FXN: variants seen among roughly 807,000 people sequenced by gnomAD.
FXN encodes the protein frataxin.
Under a neutral mutation model 22.4 loss-of-function variants are expected in FXN, and 14 were observed. That is an observed-to-expected ratio of 0.62 (90% CI 0.41 to 0.98). The LOEUF (loss-of-function observed/expected upper bound fraction) is 0.98. Among genes scored for constraint, FXN ranks in the 50% least tolerant of loss-of-function variants. The probability of loss-of-function intolerance (pLI) is 0.00; values close to 1 mark genes in which losing one functional copy is unlikely to be tolerated. For missense variants in FXN, 267 were observed against 268.4 expected (o/e 0.99, Z 0.04); for synonymous variants, 120 against 114.1 (o/e 1.05, Z -0.33).
At chr9:69,062,090 C>G (rs1016011879) in intron 3 of FXN, among the ~76,000 whole-genome samples, 11 of 152,088 alleles carry the variant, frequency 7.2e-5, no homozygotes, top group Admixed American at 2.6e-4. Flanking sequence ...CTAAAAACTC[C>G]TGAATTATAC....
chr9:69,058,677 A>G (rs1001041635), intron 3 of FXN, among the ~76,000 whole-genome samples: 11 of 152,174 alleles, frequency 7.2e-5, no homozygotes, highest in Admixed American at 2.0e-4. Context: ...GAAGGCTGCA[A>G]CCAGAATAGG....
rs1832343098 is a variant in FXN, at chr9:69,075,169, G to A, written c.*2407G>A. ...AGTGGGAGATCCCCATTTAAGGAAA[G>A]AAAAGGGGCCTGGCACAGTGGCTCA... On this transcript the variant is annotated 3_prime_UTR_variant, in exon 5 of 5. Transcript: ENST00000484259. The A allele has an allele frequency of 1.0e-6, 1 of 985,364 alleles. No homozygotes were observed. The highest frequency in any genetic ancestry group is 1.2e-6 in the Non-Finnish European group (1 of 829,980). 61.0% of individuals were successfully genotyped at this position (985,364 alleles called of 1,614,324 possible). A position where few individuals can be genotyped will look rare whatever the true frequency, so the allele number is the denominator to read the frequency against.
At position 69,074,965 on chromosome 9, in the gene FXN, A is replaced by T; in HGVS notation, c.*2203A>T. The stretch of plus-strand genomic sequence containing the variant: ...CACTTACTTAGAACTCGGTGACATG[A>T]TGTACTCCTTTATCTGGGACACAGC... On this transcript the variant is annotated 3_prime_UTR_variant, in exon 5 of 5. Coordinates refer to ENST00000484259, the MANE Select transcript of FXN (RefSeq NM_000144.5). The T allele has an allele frequency of 3.0e-6, 3 of 985,408 alleles. No homozygotes were observed. Among genetic ancestry groups the T allele is most frequent in the Non-Finnish European group, 3.6e-6 (3 of 829,926 alleles). The allele number at this position is 985,408 out of a possible 1,614,324, so 61.0% of individuals were successfully genotyped here. A position where few individuals can be genotyped will look rare whatever the true frequency, so the allele number is the denominator to read the frequency against.
Position 69,077,464 on chromosome 9 carries a change from A to G in FXN, c.*4702A>G. On this transcript the variant is annotated 3_prime_UTR_variant, in exon 5 of 5. Transcript: ENST00000484259. ...AGATTTATTTAGACAGTTGAGGAAAACATCAGCACCCAGCAGTAAAATTGG... is the reference window on the plus strand; with the variant it reads ...AGATTTATTTAGACAGTTGAGGAAAGCATCAGCACCCAGCAGTAAAATTGG... 1 of 985,442 alleles carries G rather than the reference A, an allele frequency of 1.0e-6. No homozygotes were observed. Among genetic ancestry groups the G allele is most frequent in the Non-Finnish European group, 1.2e-6 (1 of 829,936 alleles). The allele number at this position is 985,442 out of a possible 1,614,324, so 61.0% of individuals were successfully genotyped here.
At chr9:69,064,602 A>G (rs1832136777) in intron 3 of FXN, among the ~76,000 whole-genome samples, 1 of 152,148 alleles carries the variant, frequency 6.6e-6, no homozygotes, top group Non-Finnish European at 1.5e-5. Context: ...GGTTGAGGGC[A>G]ACAAACCAGC....
At chr9:69,037,284 A>AAAAAAAAAAAAAAAAAAAGAAG (rs544093183) in intron 1 of FXN, among the ~76,000 whole-genome samples, 1 of 78,058 alleles carries the variant, frequency 1.3e-5, no homozygotes, top group African/African-American at 4.7e-5. Flanking sequence ...AAAAAAAAAA[A>AAAAAAAAAAAAAAAAAAAGAAG]AAGAAGAAGA....
intron 3 of FXN, among the ~76,000 whole-genome samples, chr9:69,062,807 C>T (rs1279773921): frequency 6.6e-6 from 1 of 151,568 alleles, no homozygotes; most frequent in African/African-American, 2.4e-5. Flanking sequence ...TGCTGCCCAG[C>T]AGTGTGAATA....
chr9:69,076,938 A>G lies in FXN; in HGVS notation c.*4176A>G. ...AGAAATGCCTTTTCTTTTTTGAGAC[A>G]GAGTCTTGCTCTGTCACCCAGGCTG... is the stretch of plus-strand genomic sequence containing the variant. On this transcript the variant is annotated 3_prime_UTR_variant, in exon 5 of 5. Coordinates refer to ENST00000484259, the MANE Select transcript of FXN (RefSeq NM_000144.5). 1.0e-6 allele frequency: 1 copy of G among 982,760 alleles called. No homozygotes were observed. Among genetic ancestry groups the G allele is most frequent in the Non-Finnish European group, 1.2e-6 (1 of 827,556 alleles). 60.9% of individuals were successfully genotyped at this position (982,760 alleles called of 1,614,324 possible).
chr9:69,068,079 G>A (rs1448088801), intron 4 of FXN, among the ~76,000 whole-genome samples: 3 of 152,150 alleles, frequency 2.0e-5, no homozygotes, highest in African/African-American at 4.8e-5. Context: ...AGGTGGGACC[G>A]GGCTTCCCTG....
intron 4 of FXN, among the ~76,000 whole-genome samples, chr9:69,067,298 C>A (rs573479031): frequency 2.6e-4 from 40 of 152,380 alleles, no homozygotes; most frequent in African/African-American, 9.4e-4. Flanking sequence ...CTGCGCCTGT[C>A]TTCTTGGAAG....
chr9:69,075,322 TG>T lies in FXN; in HGVS notation c.*2562del, dbSNP rs1462665915. On this transcript the variant is annotated 3_prime_UTR_variant, in exon 5 of 5. Transcript: ENST00000484259. The stretch of plus-strand genomic sequence containing the variant: ...AAAATATTAAAAAATTGGCTGGGCG[TG>T]GTGGTTCGTGCCTATAATTTCAGCT... 1.0e-5 allele frequency: 6 copies of T among 589,818 alleles called. No individual in the cohort carries two copies. Among genetic ancestry groups the T allele is most frequent in the Non-Finnish European group, 1.3e-5 (6 of 469,118 alleles). The allele number at this position is 589,818 out of a possible 1,614,324, so 36.5% of individuals were successfully genotyped here.
intron 4 of FXN, among the ~76,000 whole-genome samples, chr9:69,067,778 T>C: frequency 6.6e-6 from 1 of 152,184 alleles, no homozygotes; most frequent in East Asian, 1.9e-4. Flanking sequence ...AAATGCTCCA[T>C]TCACCACTCC....
chr9:69,060,851 T>C (rs1832058726), intron 3 of FXN, among the ~76,000 whole-genome samples: 1 of 152,230 alleles, frequency 6.6e-6, no homozygotes, highest in Non-Finnish European at 1.5e-5. Flanking sequence ...ATGGAGGTGC[T>C]AGACCTGCAG....
chr9:69,066,454 CTG>C lies in FXN; in HGVS notation c.482+1421_482+1422del, dbSNP rs1832167265. ...TCAACAAAAACAGCACTAGAAATCACTGTCATTCTAGGAAGGCCCTAATTCAC... is the reference window on the plus strand; with the variant it reads ...TCAACAAAAACAGCACTAGAAATCACTCATTCTAGGAAGGCCCTAATTCAC... On this transcript the variant is annotated intron_variant, in intron 4 of 4. Transcript: ENST00000484259. Among the ~76,000 whole-genome samples, 3 of 152,162 alleles carry C rather than the reference CTG, an allele frequency of 2.0e-5. No homozygotes were observed. In the South Asian group the frequency reaches 6.2e-4, roughly 32 times the overall value.
At chr9:69,069,311 A>G (rs937922585) in intron 4 of FXN, among the ~76,000 whole-genome samples, 3 of 152,122 alleles carry the variant, frequency 2.0e-5, no homozygotes, top group African/African-American at 7.2e-5. Context: ...GTTGTAACGA[A>G]CTGAAATCGT....
At position 69,078,268 on chromosome 9, in the gene FXN, C is replaced by T. The variant is rs377312254; in HGVS notation, c.*5506C>T. On this transcript the variant is annotated 3_prime_UTR_variant, in exon 5 of 5. Coordinates refer to ENST00000484259, the MANE Select transcript of FXN (RefSeq NM_000144.5). ...TGGTGCCACTGACAGTTATGCAAAC[C>T]GTCCAGAGCATAGCCACCTGATCCT... is the stretch of plus-strand genomic sequence containing the variant. 1.8e-5 allele frequency: 18 copies of T among 985,258 alleles called. No homozygotes were observed. The highest frequency in any genetic ancestry group is 3.5e-5 in the African/African-American group (2 of 57,210). 61.0% of individuals were successfully genotyped at this position (985,258 alleles called of 1,614,324 possible). A position where few individuals can be genotyped will look rare whatever the true frequency, so the allele number is the denominator to read the frequency against.
chr9:69,075,459 CAAATAAATAAAT>C lies in FXN; in HGVS notation c.*2709_*2720del, dbSNP rs56827613. ...TGGCCAACAGAGCCATACTCCGTCT[CAAATAAATAAAT>C]AAATAAATAAAGGGACTTCAAACAC... On this transcript the variant is annotated 3_prime_UTR_variant, in exon 5 of 5. Transcript: ENST00000484259. 1.1e-6 allele frequency: 1 copy of C among 915,796 alleles called. No individual in the cohort carries two copies. Among genetic ancestry groups the C allele is most frequent in the Non-Finnish European group, 1.3e-6 (1 of 769,026 alleles). 56.7% of individuals were successfully genotyped at this position (915,796 alleles called of 1,614,324 possible).
chr9:69,044,369 G>A (rs1480677384), intron 1 of FXN, among the ~76,000 whole-genome samples: 2 of 152,206 alleles, frequency 1.3e-5, no homozygotes, highest in Non-Finnish European at 2.9e-5. Flanking sequence ...CACTTCTTCA[G>A]AGACATGTGT....
chr9:69,047,609 C>T (rs1027749534), intron 2 of FXN, among the ~76,000 whole-genome samples: 3 of 152,178 alleles, frequency 2.0e-5, no homozygotes, highest in South Asian at 2.1e-4. Flanking sequence ...TGCCCTCCTC[C>T]GGGGCAAGGA....
Sources: gnomAD v4.1 joint callset for allele counts (sites outside exome capture counted in the v4.1 genomes callset) on GRCh38, gnomAD v4.1.1 for gene constraint, MANE v1.5 for transcripts, NCBI Gene and HGNC (gene_info 2026-07-23, HGNC 2026-07-21) for gene names.